The following PPM1A variants were observed in gnomAD, a reference collection of about 807,000 sequenced individuals.
PPM1A encodes the protein protein phosphatase 1A.
PPM1A carries 7 observed loss-of-function variants against 35.0 expected under a neutral mutation model. The ratio of observed to expected loss-of-function variants is 0.20; its 90% CI spans 0.11 to 0.38. The LOEUF is 0.38. PPM1A is among the 10% of genes least tolerant of loss of function. The probability of loss-of-function intolerance (pLI) is 1.00; values close to 1 mark genes in which losing one functional copy is unlikely to be tolerated. For missense variants in PPM1A, 239 were observed against 467.8 expected, an observed-to-expected ratio of 0.51 and a Z score of 4.51; for synonymous variants, 153 against 167.3, an observed-to-expected ratio of 0.91 and a Z score of 0.66.
In PPM1A at chr14:60,298,829, A is replaced by C. The variant is rs1366598305; in HGVS notation, c.*6347A>C. The C allele has an allele frequency of 6.6e-6, 1 of 151,734 alleles. No individual in the cohort carries two copies. Among genetic ancestry groups the C allele is most frequent in the Non-Finnish European group, 1.5e-5 (1 of 67,716 alleles). 9.4% of individuals were successfully genotyped at this position (151,734 alleles called of 1,614,324 possible). The stretch of plus-strand genomic sequence containing the variant: ...ATGTGTAACAAAATTCTCCGTAGCA[A>C]CTCACCCACTTTGCAGTTTATGTGA... On this transcript the variant is annotated 3_prime_UTR_variant, in exon 6 of 6. Transcript: ENST00000395076.
rs960792013 is a variant in PPM1A at position 60,260,122 on chromosome 14, TA to T, written c.-21+10453del. On this transcript the variant is annotated intron_variant, in intron 1 of 5. Transcript: ENST00000395076. ...TAATTATTTTTTAAAAATTTTGGGG[TA>T]AAAAAAATGGTCTTTAGCGTAGAAG... 5.3e-5 allele frequency among the ~76,000 whole-genome samples: 8 copies of T among 151,952 alleles called. No homozygotes were observed. The South Asian group carries it at 1.0e-3, about 20-fold the overall frequency.
intron 1 of PPM1A, among the ~76,000 whole-genome samples, chr14:60,277,916 A>G (rs7146234): frequency 0.47 from 71,342 of 152,026 alleles, 20,429 homozygotes; most frequent in African/African-American, 0.81. Context: ...TCCCTCCTCA[A>G]CCTTGCTCCC....
At position 60,291,411 on chromosome 14, in the gene PPM1A, A is replaced by G; in HGVS notation, c.1076A>G (p.Glu359Gly). The G allele has an allele frequency of 6.4e-7, 1 of 1,574,158 alleles. No individual in the cohort carries two copies. Among genetic ancestry groups the G allele is most frequent in the Non-Finnish European group, 8.6e-7 (1 of 1,156,574 alleles). Residue 359 changes from glutamate (E) to glycine (G), a missense_variant, in exon 5 of 6, where the codon GAA becomes GGA. Physicochemically the swap from Glu to Gly is moderately conservative, Grantham distance 98. Transcript: ENST00000395076. ...GELASKRNVI[E>G]AVYNRLNPYK... ...TTTACACTTAGGAGGAATGTTATTG[A>G]AGCCGTTTACAATAGACTGAATCCT...
At chr14:60,258,483 T>C (rs959413125) in intron 1 of PPM1A, among the ~76,000 whole-genome samples, 4 of 152,148 alleles carry the variant, frequency 2.6e-5, no homozygotes, top group Non-Finnish European at 4.4e-5. Context: ...CCCTTCCTTA[T>C]GTGCCATTTT....
chr14:60,258,816 A>T (rs1023067554), intron 1 of PPM1A, among the ~76,000 whole-genome samples: 2 of 152,124 alleles, frequency 1.3e-5, no homozygotes, highest in African/African-American at 4.8e-5. Flanking sequence ...GTCAAGTGTC[A>T]TGTGTTAAAT....
intron 1 of PPM1A, among the ~76,000 whole-genome samples, chr14:60,271,930 TG>T (rs1885179879): frequency 1.3e-5 from 2 of 152,186 alleles, no homozygotes; most frequent in Admixed American, 1.3e-4. Flanking sequence ...TAATCAAGGT[TG>T]CTTATTTATT....
chr14:60,250,818 A>G (rs761957501), intron 1 of PPM1A, among the ~76,000 whole-genome samples: 15 of 152,126 alleles, frequency 9.9e-5, no homozygotes, highest in Admixed American at 2.6e-4. Flanking sequence ...TTGAAACACT[A>G]CTCTGCTGAG....
At chr14:60,267,732 T>C (rs757379005) in intron 1 of PPM1A, among the ~76,000 whole-genome samples, 2 of 152,138 alleles carry the variant, frequency 1.3e-5, no homozygotes, top group Non-Finnish European at 2.9e-5. Flanking sequence ...ATTTAAAATT[T>C]GCAAAAATAA....
chr14:60,281,940 C>T (rs565896297), intron 1 of PPM1A, among the ~76,000 whole-genome samples: 1 of 152,164 alleles, frequency 6.6e-6, no homozygotes, highest in African/African-American at 2.4e-5. Context: ...CAGTACACTT[C>T]GTTATGTATA....
chr14:60,255,451 G>A (rs1365470134), intron 1 of PPM1A, among the ~76,000 whole-genome samples: 5 of 152,224 alleles, frequency 3.3e-5, no homozygotes, highest in Non-Finnish European at 5.9e-5. Flanking sequence ...GATTACAGGC[G>A]TGAGCCACCG....
rs372199520 is a variant in PPM1A at position 60,287,215 on chromosome 14, T to C, written c.952+1474T>C. ...TGTACACTTTAAGTTTTAGATGGAA[T>C]TATGAAATATTCACTTTACGTTATT... On this transcript the variant is annotated intron_variant, in intron 3 of 5. Transcript: ENST00000395076. 40 of 953,648 alleles carry C rather than the reference T, an allele frequency of 4.2e-5. 1 individual carries two copies. The East Asian group carries it at 8.1e-4, about 19-fold the overall frequency. 59.1% of individuals were successfully genotyped at this position (953,648 alleles called of 1,614,324 possible). A position where few individuals can be genotyped will look rare whatever the true frequency, so the allele number is the denominator to read the frequency against.
chr14:60,255,850 C>T (rs1664235163), intron 1 of PPM1A, among the ~76,000 whole-genome samples: 1 of 152,118 alleles, frequency 6.6e-6, no homozygotes, highest in Admixed American at 6.5e-5. Context: ...TTTTAACTTC[C>T]TACATTTTGG....
chr14:60,264,400 G>A (rs1056119171), intron 1 of PPM1A, among the ~76,000 whole-genome samples: 2 of 151,920 alleles, frequency 1.3e-5, no homozygotes, highest in Non-Finnish European at 2.9e-5. Context: ...GTGACCTTGG[G>A]CAAGTTCAAA....
At position 60,292,683 on chromosome 14, in the gene PPM1A, T is replaced by C. The variant is rs549564152; in HGVS notation, c.*201T>C. 1.1e-4 allele frequency: 43 copies of C among 406,996 alleles called. No individual in the cohort carries two copies. The highest frequency in any genetic ancestry group is 3.5e-4 in the East Asian group (10 of 28,402). 25.2% of individuals were successfully genotyped at this position (406,996 alleles called of 1,614,324 possible). ...TTTTTTTTTGTAAATTTGAGACTTATGTAAGCGTGATTTCAAACCATAATT... is the reference window on the plus strand; with the variant it reads ...TTTTTTTTTGTAAATTTGAGACTTACGTAAGCGTGATTTCAAACCATAATT... On this transcript the variant is annotated 3_prime_UTR_variant, in exon 6 of 6. Coordinates refer to ENST00000395076, the MANE Select transcript of PPM1A (RefSeq NM_021003.5). This position sits in a 1 kb window ranked among gnomAD's most constrained non-coding sequence, Gnocchi z 4.2.
upstream of PPM1A, chr14:60,246,115 G>A: frequency 1.4e-6 from 2 of 1,407,262 alleles, no homozygotes; most frequent in South Asian, 3.0e-5. Context: ...GTAGTGACTG[G>A]CTTCAGTGGA....
At chr14:60,291,768 T>TTTC (rs1269668203) in intron 5 of PPM1A, among the ~76,000 whole-genome samples, 2 of 150,904 alleles carry the variant, frequency 1.3e-5, no homozygotes, top group African/African-American at 4.9e-5. Flanking sequence ...TTTTTTTTTT[T>TTTC]CCCGAAGTTG....
At chr14:60,249,185 G>T, upstream of PPM1A, 1 of 973,442 alleles carries the variant, frequency 1.0e-6, no homozygotes, top group South Asian at 4.6e-5. This position sits in a 1 kb window ranked among gnomAD's most constrained non-coding sequence, Gnocchi z 4.5. Flanking sequence ...GGGGAGGGGC[G>T]ACGCGGTCGT....
At chr14:60,286,212 C>T in intron 3 of PPM1A, 1 of 985,982 alleles carries the variant, frequency 1.0e-6, no homozygotes, top group Non-Finnish European at 1.2e-6. Flanking sequence ...ACTTTATATA[C>T]ACAGCTTTAA....
At chr14:60,286,675 CT>C (rs1161692721) in intron 3 of PPM1A, 3 of 984,746 alleles carry the variant, frequency 3.0e-6, no homozygotes, top group Non-Finnish European at 2.4e-6. Flanking sequence ...TTACTACTCA[CT>C]TTAATTTTTT....
Sources: allele counts gnomAD v4.1 joint callset (sites outside exome capture counted in the v4.1 genomes callset), GRCh38; gene constraint gnomAD v4.1.1; non-coding constraint Gnocchi (gnomAD v3.1); transcripts MANE v1.5; gene names NCBI Gene and HGNC (gene_info 2026-07-23, HGNC 2026-07-21).